The following CTNND2 variants were observed in gnomAD, a reference collection of about 807,000 sequenced individuals.
CTNND2 encodes catenin delta 2, also known as catenin delta-2.
Under a neutral mutation model 144.4 loss-of-function variants are expected in CTNND2, and 22 were observed. The ratio of observed to expected loss-of-function variants is 0.15; its 90% confidence interval spans 0.11 to 0.22. The LOEUF (loss-of-function observed/expected upper bound fraction) is 0.22, where lower values mean the gene tolerates loss of function less well. Among genes scored for constraint, CTNND2 ranks in the 10% least tolerant of loss-of-function variants. The pLI is 1.00. For synonymous variants in CTNND2, 751 were observed against 695.6 expected (o/e 1.08, Z -1.25); for missense variants, 1,353 against 1,618.8 (o/e 0.84, Z 2.82).
chr5:11,783,232 C>G (rs959748391), intron 1 of CTNND2, among the ~76,000 whole-genome samples: 2 of 152,144 alleles, frequency 1.3e-5, no homozygotes, highest in Non-Finnish European at 2.9e-5. Flanking sequence ...TGGTTTTTCT[C>G]CATTGCATAG....
chr5:11,852,658 G>A (rs1795069752), intron 1 of CTNND2, among the ~76,000 whole-genome samples: 2 of 152,172 alleles, frequency 1.3e-5, no homozygotes, highest in Non-Finnish European at 2.9e-5. Flanking sequence ...CTAAGTTTCT[G>A]TTTACATGCA....
At chr5:11,316,285 G>A (rs1751464541) in intron 9 of CTNND2, among the ~76,000 whole-genome samples, 1 of 151,872 alleles carries the variant, frequency 6.6e-6, no homozygotes, top group Non-Finnish European at 1.5e-5. Context: ...GAGTGTAGTG[G>A]TGTGATCTTG....
intron 1 of CTNND2, among the ~76,000 whole-genome samples, chr5:11,781,522 A>C (rs774382608): frequency 6.6e-6 from 1 of 152,202 alleles, no homozygotes; most frequent in Non-Finnish European, 1.5e-5. Flanking sequence ...TTGCAATACA[A>C]TTTATAATTT....
chr5:11,335,128 G>A (rs554501430), intron 9 of CTNND2, among the ~76,000 whole-genome samples: 13 of 152,244 alleles, frequency 8.5e-5, no homozygotes, highest in Admixed American at 6.5e-4. Flanking sequence ...TATAGTCGCT[G>A]AACATGTTCT....
chr5:11,830,374 G>C (rs1793831264), intron 1 of CTNND2, among the ~76,000 whole-genome samples: 1 of 152,154 alleles, frequency 6.6e-6, no homozygotes, highest in Admixed American at 6.5e-5. Context: ...GTTCTGGGAG[G>C]GACCCTGTGG....
At chr5:11,108,821 C>T (rs1013449837) in intron 14 of CTNND2, among the ~76,000 whole-genome samples, 2 of 152,296 alleles carry the variant, frequency 1.3e-5, no homozygotes, top group African/African-American at 2.4e-5. Context: ...CTCCAAACCA[C>T]GCTGAAACAG....
intron 11 of CTNND2, among the ~76,000 whole-genome samples, chr5:11,163,532 A>G (rs150974805): frequency 3.9e-5 from 6 of 152,296 alleles, no homozygotes; most frequent in Non-Finnish European, 8.8e-5. Context: ...GCAGCAATAG[A>G]CAATATACCT....
intron 2 of CTNND2, among the ~76,000 whole-genome samples, chr5:11,723,431 C>T (rs897546266): frequency 1.3e-5 from 2 of 151,994 alleles, no homozygotes; most frequent in African/African-American, 2.4e-5. Flanking sequence ...CATTCTGAAG[C>T]GATATGCAGG....
intron 1 of CTNND2, among the ~76,000 whole-genome samples, chr5:11,747,387 T>C (rs944980128): frequency 2.0e-5 from 3 of 152,204 alleles, no homozygotes; most frequent in African/African-American, 7.2e-5. Context: ...CAGTGTTGAA[T>C]TGACTATTCT....
In CTNND2 at chr5:11,459,407, C is replaced by A. The variant is rs540107992; in HGVS notation, c.288-47338G>T. 3.3e-5 allele frequency among the ~76,000 whole-genome samples: 5 copies of A among 152,196 alleles called. No homozygotes were observed. The East Asian group carries it at 9.7e-4, about 29-fold the overall frequency. On this transcript the variant is annotated intron_variant, in intron 3 of 21. Transcript: ENST00000304623. ...CATATTAAAACCCCACCATAGGAGA[C>A]TCTACTCGGAAGAATTCAGTGGAAA... is the stretch of plus-strand genomic sequence containing the variant.
intron 10 of CTNND2, among the ~76,000 whole-genome samples, chr5:11,224,738 G>T (rs1371729374): frequency 6.6e-6 from 1 of 152,110 alleles, no homozygotes; most frequent in Non-Finnish European, 1.5e-5. Context: ...TTAGTCAAAT[G>T]CCCCTCCAGT....
chr5:11,752,599 T>A (rs1391674865), intron 1 of CTNND2, among the ~76,000 whole-genome samples: 1 of 151,720 alleles, frequency 6.6e-6, no homozygotes, highest in East Asian at 1.9e-4. Context: ...AGGCTTATAG[T>A]ATAGTTTAAA....
At position 11,189,576 on chromosome 5, in the gene CTNND2, T is replaced by C. The variant is rs144876006; in HGVS notation, c.1975+9872A>G. ...TAATAACATTTTATTTTCTCTAGCT[T>C]ACACTGTTGTAAAAATAGAGTATAT... On this transcript the variant is annotated intron_variant, in intron 11 of 21. Transcript: ENST00000304623. Among the ~76,000 whole-genome samples, 4 of 152,354 alleles carry C rather than the reference T, an allele frequency of 2.6e-5. No individual in the cohort carries two copies. In the East Asian group the frequency reaches 7.7e-4, roughly 29 times the overall value.
chr5:11,004,285 T>G (rs1740251986), intron 18 of CTNND2, among the ~76,000 whole-genome samples: 1 of 152,232 alleles, frequency 6.6e-6, no homozygotes, highest in Non-Finnish European at 1.5e-5. Flanking sequence ...ACTGCAAAGT[T>G]AAGTTCAGGA....
At chr5:11,176,933 G>A (rs770582380) in intron 11 of CTNND2, among the ~76,000 whole-genome samples, 1 of 152,114 alleles carries the variant, frequency 6.6e-6, no homozygotes, top group Non-Finnish European at 1.5e-5. Context: ...AGCAACAAAT[G>A]ACATAACAGC....
chr5:11,304,125 G>A (rs1363233612), intron 9 of CTNND2, among the ~76,000 whole-genome samples: 2 of 148,868 alleles, frequency 1.3e-5, no homozygotes, highest in Admixed American at 6.6e-5. Context: ...CCAGTCTTGA[G>A]TATGTCTTTA....
intron 3 of CTNND2, among the ~76,000 whole-genome samples, chr5:11,471,153 A>G (rs1311114099): frequency 6.6e-6 from 1 of 150,742 alleles, no homozygotes; most frequent in East Asian, 2.0e-4. Flanking sequence ...AATTTTTTGT[A>G]TTTTTAGTAG....
intron 18 of CTNND2, among the ~76,000 whole-genome samples, chr5:11,002,363 G>A (rs1214687472): frequency 6.6e-6 from 1 of 152,240 alleles, no homozygotes; most frequent in Admixed American, 6.5e-5. Context: ...CTCCCTCTAT[G>A]AAGGGACATC....
At chr5:11,354,981 T>C (rs1580997096) in intron 8 of CTNND2, among the ~76,000 whole-genome samples, 1 of 152,110 alleles carries the variant, frequency 6.6e-6, no homozygotes, top group Non-Finnish European at 1.5e-5. Context: ...ATTAACATGC[T>C]CCTGAACCAA....
Sources: allele counts gnomAD v4.1 joint callset (sites outside exome capture counted in the v4.1 genomes callset), GRCh38; gene constraint gnomAD v4.1.1; transcripts MANE v1.5; gene names NCBI Gene and HGNC (gene_info 2026-07-23, HGNC 2026-07-21).